Variants in ZNF639 observed in about 807,000 individuals in gnomAD.
ZNF639 encodes zinc finger protein 639.
ZNF639 carries 20 observed loss-of-function variants against 39.8 expected under a neutral mutation model. The observed-to-expected ratio is 0.50, with a 90% CI of 0.35 to 0.73. ZNF639 has a LOEUF of 0.73. ZNF639 is among the 30% of genes least tolerant of loss of function. The pLI is 0.00. For synonymous variants in ZNF639, 176 were observed against 189.8 expected (o/e 0.93, Z 0.60); for missense variants, 477 against 566.2 (o/e 0.84, Z 1.60).
intron 3 of ZNF639, 107 bp from the exon 4 acceptor site, chr3:179,329,511 G>T: frequency 1.5e-6 from 1 of 645,680 alleles, no homozygotes; most frequent in South Asian, 2.0e-5. Flanking sequence ...TTTCATTACA[G>T]ATACTATAAT....
intron 1 of ZNF639, among the ~76,000 whole-genome samples, chr3:179,324,197 G>A (rs745771551): frequency 1.5e-4 from 23 of 152,160 alleles, no homozygotes; most frequent in Non-Finnish European, 2.6e-4. Context: ...CAATTAGGAA[G>A]AATATACATT....
At chr3:179,328,216 G>T in intron 2 of ZNF639, 67 bp from the exon 3 acceptor site, 1 of 912,886 alleles carries the variant, frequency 1.1e-6, no homozygotes, top group Non-Finnish European at 1.7e-6. Context: ...TCTTCAGTTA[G>T]AATTTTTATA....
At chr3:179,327,018 C>T (rs1234685555) in intron 1 of ZNF639, among the ~76,000 whole-genome samples, 1 of 151,644 alleles carries the variant, frequency 6.6e-6, no homozygotes, top group East Asian at 2.0e-4. Context: ...GGTGAAACCC[C>T]GTCTCTGCTA....
rs1711531203 is a variant in ZNF639 at position 179,336,488 on chromosome 3, G to C, written c.*2066G>C. The stretch of plus-strand genomic sequence containing the variant: ...TATTTTGTTGTATGTGCATACCTGT[G>C]TTCCTAGCAACTCACATTCCATCTA... On this transcript the variant is annotated 3_prime_UTR_variant, in exon 6 of 6. Transcript: ENST00000496856. The C allele has an allele frequency of 6.6e-6, 1 of 152,206 alleles. No individual in the cohort carries two copies. Among genetic ancestry groups the C allele is most frequent in the Non-Finnish European group, 1.5e-5 (1 of 68,030 alleles). The allele number at this position is 152,206 out of a possible 1,614,324, so 9.4% of individuals were successfully genotyped here.
Position 179,333,103 on chromosome 3 carries a change from A to G in ZNF639, c.284A>G (p.Asp95Gly), listed in dbSNP as rs185588164. 34 of 1,604,312 alleles carry G rather than the reference A, an allele frequency of 2.1e-5. No homozygotes were observed. The Middle Eastern group carries it at 6.6e-4, about 31-fold the overall frequency. Reference sequence around the variant, plus strand: ...CCCAGTCCTGTACTTAGAATTCTAGACCACACTGCCTTTTCTACAGGTTGG... The same window carrying G: ...CCCAGTCCTGTACTTAGAATTCTAGGCCACACTGCCTTTTCTACAGGTTGG... The part of the protein sequence containing the change: ...LVPSPVLRIL[D>G]HTAFSTEKSA... The change falls in exon 5 of 6, where the codon GAC becomes GGC. Residue 95 changes from aspartate to glycine, a missense_variant. By Grantham distance (94) the Asp-to-Gly change is moderately conservative. Transcript: ENST00000496856.
chr3:179,332,475 G>A (rs566800989), intron 4 of ZNF639, among the ~76,000 whole-genome samples: 2 of 152,126 alleles, frequency 1.3e-5, no homozygotes, highest in African/African-American at 2.4e-5. Flanking sequence ...AGAATTACCC[G>A]GGCTTGGTGG....
chr3:179,332,456 C>CA (rs1339560823), intron 4 of ZNF639, among the ~76,000 whole-genome samples: 5 of 152,216 alleles, frequency 3.3e-5, no homozygotes, highest in East Asian at 1.9e-4. Flanking sequence ...GACCCCATCT[C>CA]AAAAAACAAG....
Position 179,335,494 on chromosome 3 carries a change from T to C in ZNF639, c.*1072T>C, listed in dbSNP as rs1372298583. The C allele has an allele frequency of 6.6e-6, 1 of 152,244 alleles. No individual in the cohort carries two copies. The highest frequency in any genetic ancestry group is 6.5e-5 in the Admixed American group (1 of 15,278). 9.4% of individuals were successfully genotyped at this position (152,244 alleles called of 1,614,324 possible). On this transcript the variant is annotated 3_prime_UTR_variant, in exon 6 of 6. Coordinates refer to ENST00000496856, the MANE Select transcript of ZNF639 (RefSeq NM_001303426.2). ...GATAGGGGTTGCTGGCATGAAAATGTATAACTTACAACATTTATTAATAAA... is the reference window on the plus strand; with the variant it reads ...GATAGGGGTTGCTGGCATGAAAATGCATAACTTACAACATTTATTAATAAA...
In ZNF639 at chr3:179,334,453, T is replaced by G; in HGVS notation, c.*31T>G. ...CTCTTTAACTTACAGAATGTTAGTT[T>G]AAAATAATAAATTCATCCTTTTTTT... is the stretch of plus-strand genomic sequence containing the variant. On this transcript the variant is annotated 3_prime_UTR_variant, in exon 6 of 6. Transcript: ENST00000496856. The G allele has an allele frequency of 1.4e-6, 2 of 1,431,904 alleles. No individual in the cohort carries two copies. Among genetic ancestry groups the G allele is most frequent in the South Asian group, 1.6e-5 (1 of 62,558 alleles). 88.7% of individuals were successfully genotyped at this position (1,431,904 alleles called of 1,614,324 possible). A position where few individuals can be genotyped will look rare whatever the true frequency, so the allele number is the denominator to read the frequency against.
intron 4 of ZNF639, among the ~76,000 whole-genome samples, chr3:179,330,546 A>G (rs1467690941): frequency 6.6e-6 from 1 of 152,240 alleles, no homozygotes; most frequent in Admixed American, 6.5e-5. Context: ...TTGGCCTCAC[A>G]GAGTGCTGAG....
chr3:179,323,239 G>A lies in ZNF639; in HGVS notation c.-135G>A, dbSNP rs1053879458. On this transcript the variant is annotated 5_prime_UTR_variant, in exon 1 of 6. Coordinates refer to ENST00000496856, the MANE Select transcript of ZNF639 (RefSeq NM_001303426.2). Reference sequence around the variant, plus strand: ...GCGCGGCCCCTCCGCCTGCGCTCTCGGCCGCCGCCGCCTCTGCGTGGGCCG... The same window carrying A: ...GCGCGGCCCCTCCGCCTGCGCTCTCAGCCGCCGCCGCCTCTGCGTGGGCCG... The A allele has an allele frequency of 5.1e-6, 5 of 985,134 alleles. No homozygotes were observed. In the African/African-American group the frequency reaches 5.2e-5, roughly 10 times the overall value. The allele number at this position is 985,134 out of a possible 1,614,324, so 61.0% of individuals were successfully genotyped here.
chr3:179,328,401 T>C (rs370684748), intron 3 of ZNF639, 50 bp downstream of exon 3: 51 of 1,290,978 alleles, frequency 4.0e-5, no homozygotes, highest in Admixed American at 6.9e-5. Flanking sequence ...TCCCACAAAA[T>C]TATATTCTCA....
Position 179,328,323 on chromosome 3 carries a change from G to A in ZNF639, c.30G>A (p.Arg10=), listed in dbSNP as rs749543789. ...ATGAGTATCCTAAAAAAAGAAAAAG[G>A]AAGACTCTACACCCTTCTCGTTATT... MNEYPKKRK[R]KTLHPSRYSD... Residue 10 remains arginine (R), a synonymous_variant, in exon 3 of 6, where the codon AGG becomes AGA. Coordinates refer to ENST00000496856, the MANE Select transcript of ZNF639 (RefSeq NM_001303426.2). 6 of 1,587,942 alleles carry A rather than the reference G, an allele frequency of 3.8e-6. No individual in the cohort carries two copies. Among genetic ancestry groups the A allele is most frequent in the Non-Finnish European group, 4.3e-6 (5 of 1,168,468 alleles).
chr3:179,338,435 T>C lies in ZNF639; in HGVS notation c.*4013T>C, dbSNP rs771406983. 1 of 152,224 alleles carries C rather than the reference T, an allele frequency of 6.6e-6. No homozygotes were observed. Among genetic ancestry groups the C allele is most frequent in the Non-Finnish European group, 1.5e-5 (1 of 68,036 alleles). The allele number at this position is 152,224 out of a possible 1,614,324, so 9.4% of individuals were successfully genotyped here. A position where few individuals can be genotyped will look rare whatever the true frequency, so the allele number is the denominator to read the frequency against. ...GCTTATAAATTTGCCAATTTTGCCA[T>C]TTTAAATCACCTTTCTTACGTTTCT... On this transcript the variant is annotated 3_prime_UTR_variant, in exon 6 of 6. Transcript: ENST00000496856.
chr3:179,328,264 A>G lies in ZNF639; in HGVS notation c.-11-19A>G. On this transcript the variant is annotated intron_variant, in intron 2 of 5. Coordinates refer to ENST00000496856, the MANE Select transcript of ZNF639 (RefSeq NM_001303426.2). Reference sequence around the variant, plus strand: ...GTTGTTATTTGTGACATATTTGTTAATTTTTTCTCGTTTTTTAGATTGAAA... The same window carrying G: ...GTTGTTATTTGTGACATATTTGTTAGTTTTTTCTCGTTTTTTAGATTGAAA... 2 of 1,417,328 alleles carry G rather than the reference A, an allele frequency of 1.4e-6. No homozygotes were observed. Among genetic ancestry groups the G allele is most frequent in the Admixed American group, 2.0e-5 (1 of 49,216 alleles). The allele number at this position is 1,417,328 out of a possible 1,614,324, so 87.8% of individuals were successfully genotyped here. A position where few individuals can be genotyped will look rare whatever the true frequency, so the allele number is the denominator to read the frequency against.
In ZNF639 at chr3:179,333,513, A is replaced by G. The variant is rs1164994463; in HGVS notation, c.549A>G (p.Gln183=). 1.2e-6 allele frequency: 2 copies of G among 1,614,204 alleles called. No homozygotes were observed. The change falls in exon 6 of 6, where the codon CAA becomes CAG. Residue 183 remains glutamine (Q), a synonymous_variant. Coordinates refer to ENST00000496856, the MANE Select transcript of ZNF639 (RefSeq NM_001303426.2). ...AKLCKILDKS[Q]ALNVTAQQKW... ...TTTGTAAAATTCTTGACAAGAGCCA[A>G]GCTTTGAATGTGACTGCCCAGCAGA...
chr3:179,333,203 T>G (rs1728014879), intron 5 of ZNF639, 66 bp from the exon 6 acceptor site: 1 of 1,555,228 alleles, frequency 6.4e-7, no homozygotes. Context: ...AATTTTTTTT[T>G]GCCCAGTTGT....
intron 1 of ZNF639, among the ~76,000 whole-genome samples, chr3:179,324,076 A>G (rs1051250094): frequency 1.1e-4 from 17 of 152,198 alleles, no homozygotes; most frequent in Admixed American, 1.1e-3. Flanking sequence ...TTTTGTTTCA[A>G]TTCTTTTACA....
intron 1 of ZNF639, chr3:179,324,914 C>T (rs1727500378): frequency 1.3e-5 from 2 of 152,198 alleles, no homozygotes; most frequent in South Asian, 4.1e-4. Context: ...CTATATGAAT[C>T]GTAATAGCTC....
Sources: allele counts gnomAD v4.1 joint callset (sites outside exome capture counted in the v4.1 genomes callset), GRCh38; gene constraint gnomAD v4.1.1; transcripts MANE v1.5; gene names NCBI Gene and HGNC (gene_info 2026-07-23, HGNC 2026-07-21).